Variants in KLF12 observed in about 807,000 individuals in gnomAD.
The protein encoded by KLF12 is KLF transcription factor 12.
KLF12 carries 9 observed loss-of-function variants against 37.8 expected under a neutral mutation model. That is an observed-to-expected ratio of 0.24 (90% CI 0.14 to 0.42). The LOEUF (loss-of-function observed/expected upper bound fraction) is 0.42. Among genes scored for constraint, KLF12 ranks in the 10% least tolerant of loss-of-function variants. The pLI is 1.00. For synonymous variants in KLF12, 208 were observed against 202.1 expected, an observed-to-expected ratio of 1.03 and a Z score of -0.25; for missense variants, 411 against 516.0, an observed-to-expected ratio of 0.80 and a Z score of 1.97.
At chr13:74,284,908 G>GT in the KLF12 span, among the ~76,000 whole-genome samples, 16 of 152,106 alleles carry the variant, frequency 1.1e-4, no homozygotes, top group Admixed American at 3.3e-4. Context: ...GTGTAAATAT[G>GT]TTTTTTTTCC....
At chr13:74,287,523 C>T in the KLF12 span, among the ~76,000 whole-genome samples, 1 of 152,138 alleles carries the variant, frequency 6.6e-6, no homozygotes, top group Non-Finnish European at 1.5e-5. Flanking sequence ...TTATGCTATA[C>T]TTGCTTATAT....
In KLF12 at chr13:73,846,141, G is replaced by T; in HGVS notation, c.356C>A (p.Ser119Tyr). The T allele has an allele frequency of 6.2e-7, 1 of 1,614,132 alleles. No homozygotes were observed. Among genetic ancestry groups the T allele is most frequent in the Non-Finnish European group, 8.5e-7 (1 of 1,180,008 alleles). ...TGGGGATGAGGCTAGACGACTAGAA[G>T]ACGATGAAGAGGTTGAAGTTGAAGA... The change falls in exon 4 of 8, where the codon TCT (serine) becomes TAT (tyrosine). Residue 119 changes from serine (S) to tyrosine (Y), a missense_variant. Transcript: ENST00000377669.
chr13:74,057,530 A>G (rs1297143361), intron 1 of KLF12, among the ~76,000 whole-genome samples: 2 of 152,250 alleles, frequency 1.3e-5, no homozygotes, highest in African/African-American at 4.8e-5. Context: ...CAAAATATCT[A>G]TAAATAAAAA....
At chr13:74,000,957 T>C (rs1298356856) in intron 1 of KLF12, among the ~76,000 whole-genome samples, 1 of 152,232 alleles carries the variant, frequency 6.6e-6, no homozygotes, top group African/African-American at 2.4e-5. Context: ...AAAATCTGAT[T>C]TGTACTGCAA....
chr13:73,908,110 T>A (rs1039278145), intron 3 of KLF12, among the ~76,000 whole-genome samples: 4 of 152,110 alleles, frequency 2.6e-5, no homozygotes, highest in Non-Finnish European at 4.4e-5. Flanking sequence ...AATTAAAATA[T>A]TAATGCTTCC....
intron 6 of KLF12, among the ~76,000 whole-genome samples, chr13:73,755,747 CA>C (rs1316665897): frequency 6.6e-6 from 1 of 151,728 alleles, no homozygotes; most frequent in African/African-American, 2.4e-5. Context: ...GTACCCTCAC[CA>C]CCCCCCCAAC....
chr13:74,174,623 G>A, the KLF12 span, among the ~76,000 whole-genome samples: 4 of 152,032 alleles, frequency 2.6e-5, no homozygotes, highest in African/African-American at 4.8e-5. Flanking sequence ...CCCTAAGCCC[G>A]ATGTCTCCCT....
the KLF12 span, among the ~76,000 whole-genome samples, chr13:74,278,355 C>T: frequency 1.3e-5 from 2 of 152,188 alleles, no homozygotes; most frequent in Non-Finnish European, 1.5e-5. Context: ...TAGGCCATAT[C>T]TGGCCCAGTG....
chr13:74,174,170 C>G, the KLF12 span, among the ~76,000 whole-genome samples: 1 of 152,154 alleles, frequency 6.6e-6, no homozygotes, highest in Admixed American at 6.5e-5. Context: ...ATAATCCAAT[C>G]TTTGCCATCT....
At chr13:74,001,392 TAC>T (rs1254317536) in intron 1 of KLF12, among the ~76,000 whole-genome samples, 1 of 152,218 alleles carries the variant, frequency 6.6e-6, no homozygotes, top group African/African-American at 2.4e-5. Flanking sequence ...TGGTACCAAT[TAC>T]AAATGCATAG....
chr13:73,748,960 A>G (rs1247932888), intron 6 of KLF12, among the ~76,000 whole-genome samples: 2 of 152,198 alleles, frequency 1.3e-5, no homozygotes, highest in African/African-American at 4.8e-5. Flanking sequence ...ATAAAAGCCT[A>G]TACATTCAGT....
At position 73,749,468 on chromosome 13, in the gene KLF12, C is replaced by T. The variant is rs544406214; in HGVS notation, c.869+15470G>A. On this transcript the variant is annotated intron_variant, in intron 6 of 7. Coordinates refer to ENST00000377669, the MANE Select transcript of KLF12 (RefSeq NM_007249.5). ...GAGACAAAAAGCCAACAAATTAGCACAGCCAAAGGAAAAAGATTTTTAAAA... is the reference window on the plus strand; with the variant it reads ...GAGACAAAAAGCCAACAAATTAGCATAGCCAAAGGAAAAAGATTTTTAAAA... 1.4e-3 allele frequency among the ~76,000 whole-genome samples: 215 copies of T among 152,186 alleles called. 7 individuals are homozygous for T. In the South Asian group the frequency reaches 0.043, roughly 30 times the overall value.
chr13:74,299,927 G>T, the KLF12 span, among the ~76,000 whole-genome samples: 1 of 152,238 alleles, frequency 6.6e-6, no homozygotes, highest in South Asian at 2.1e-4. Flanking sequence ...AAGAGGAGAG[G>T]CTTCTGGAAG....
At chr13:73,729,227 C>A (rs975144868) in intron 6 of KLF12, among the ~76,000 whole-genome samples, 2 of 152,172 alleles carry the variant, frequency 1.3e-5, no homozygotes, top group African/African-American at 4.8e-5. Flanking sequence ...TTTAAAGTAT[C>A]ATGTGTTATT....
At chr13:74,171,440 G>C in the KLF12 span, among the ~76,000 whole-genome samples, 7 of 152,094 alleles carry the variant, frequency 4.6e-5, no homozygotes, top group African/African-American at 1.7e-4. Flanking sequence ...CTTCAATTTA[G>C]CTGCTAAACA....
At chr13:74,204,439 A>G in the KLF12 span, among the ~76,000 whole-genome samples, 2 of 152,082 alleles carry the variant, frequency 1.3e-5, no homozygotes, top group Non-Finnish European at 2.9e-5. Context: ...AATCCCAAAA[A>G]CCTTTGTTAA....
At chr13:74,112,591 T>C (rs1170995408) in intron 1 of KLF12, among the ~76,000 whole-genome samples, 2 of 152,200 alleles carry the variant, frequency 1.3e-5, no homozygotes, top group East Asian at 1.9e-4. Flanking sequence ...TTGATGTTAC[T>C]ATTGGGACTG....
the KLF12 span, among the ~76,000 whole-genome samples, chr13:74,217,239 T>A: frequency 6.6e-6 from 1 of 152,076 alleles, no homozygotes. Context: ...AAATTCCACA[T>A]AGAAATAAGA....
chr13:74,112,758 C>T (rs558520400), intron 1 of KLF12, among the ~76,000 whole-genome samples: 4 of 152,174 alleles, frequency 2.6e-5, no homozygotes, highest in East Asian at 3.9e-4. Context: ...CCTCAAAGGC[C>T]TCTAAGTGTT....
Sources: gnomAD v4.1 joint callset for allele counts (sites outside exome capture counted in the v4.1 genomes callset) on GRCh38, gnomAD v4.1.1 for gene constraint, MANE v1.5 for transcripts, NCBI Gene and HGNC (gene_info 2026-07-23, HGNC 2026-07-21) for gene names.